PRCC: variants seen among roughly 807,000 people sequenced by gnomAD.
The protein encoded by PRCC is proline rich mitotic checkpoint control factor, also known as proline-rich protein PRCC.
In PRCC, 10 loss-of-function variants were observed where a neutral mutation model predicts 44.0. That is an observed-to-expected ratio of 0.23 (90% CI 0.14 to 0.39). The LOEUF (loss-of-function observed/expected upper bound fraction) is 0.39, where lower values mean the gene tolerates loss of function less well. Among genes scored for constraint, PRCC ranks in the 10% least tolerant of loss-of-function variants. PRCC has a pLI of 1.00. For missense variants in PRCC, 573 were observed against 624.7 expected, an observed-to-expected ratio of 0.92 and a Z score of 0.88; for synonymous variants, 278 against 259.5, an observed-to-expected ratio of 1.07 and a Z score of -0.69.
rs562438203 is a variant in PRCC at position 156,787,894 on chromosome 1, C to T, written c.1083+720C>T. ...TTGCCCAGGCTGGAGTGCAGTGGCA[C>T]GATCTTGACTCACTGCAACCTCCGC... On this transcript the variant is annotated intron_variant, in intron 3 of 6. Coordinates refer to ENST00000271526, the MANE Select transcript of PRCC (RefSeq NM_005973.5). Among the ~76,000 whole-genome samples the T allele has an allele frequency of 1.1e-4, 17 of 151,972 alleles. No individual in the cohort carries two copies. In the South Asian group the frequency reaches 2.9e-3, roughly 26 times the overall value.
chr1:156,778,992 C>G (rs1297918493), intron 1 of PRCC, among the ~76,000 whole-genome samples: 1 of 148,798 alleles, frequency 6.7e-6, no homozygotes, highest in African/African-American at 2.5e-5. Flanking sequence ...TAGAGACGGG[C>G]TTTCATCATA....
intron 1 of PRCC, among the ~76,000 whole-genome samples, chr1:156,780,662 G>A (rs184791584): frequency 1.3e-4 from 20 of 152,058 alleles, no homozygotes; most frequent in South Asian, 8.3e-4. Flanking sequence ...ATGGTTTTCC[G>A]TAATGGTAGT....
intron 1 of PRCC, among the ~76,000 whole-genome samples, chr1:156,782,064 A>G (rs1652066825): frequency 6.6e-6 from 1 of 152,224 alleles, no homozygotes; most frequent in Non-Finnish European, 1.5e-5. Context: ...TTGAGTAATC[A>G]AGGGAGGCCA....
chr1:156,786,774 C>T lies in PRCC; in HGVS notation c.683C>T (p.Ser228Phe). Residue 228 changes from serine (S) to phenylalanine (F), a missense_variant, in exon 3 of 7, where the codon TCT (serine) becomes TTT (phenylalanine). By Grantham distance (155) the Ser-to-Phe change is radical. Transcript: ENST00000271526. ...CTGGCTTCTAAGACCAAGACTTCCT[C>T]TCTTGCCCCTGTTGTGGGCACCACA... ...SRLASKTKTSSLAPVVGTTTT... is the reference protein window; with the variant it reads ...SRLASKTKTSFLAPVVGTTTT... 6.2e-7 allele frequency: 1 copy of T among 1,614,230 alleles called. No homozygotes were observed. The highest frequency in any genetic ancestry group is 8.5e-7 in the Non-Finnish European group (1 of 1,180,026).
At chr1:156,772,130 A>T (rs1388890538) in intron 1 of PRCC, among the ~76,000 whole-genome samples, 1 of 152,182 alleles carries the variant, frequency 6.6e-6, no homozygotes, top group Non-Finnish European at 1.5e-5. Context: ...AAGTGCTGGG[A>T]TTACAGGCGT....
intron 1 of PRCC, among the ~76,000 whole-genome samples, chr1:156,776,466 A>G (rs150281446): frequency 1.1e-5 from 1 of 95,046 alleles, no homozygotes; most frequent in Non-Finnish European, 2.5e-5. Context: ...GTCTTTATAG[A>G]GGTTTTTTTT....
chr1:156,768,532 T>C (rs1433228342), intron 1 of PRCC, among the ~76,000 whole-genome samples: 1 of 152,190 alleles, frequency 6.6e-6, no homozygotes. Context: ...TCTTTGCATC[T>C]TCACTTCAGT....
At chr1:156,797,461 C>A in intron 6 of PRCC, 120 bp downstream of exon 6, 1 of 1,152,154 alleles carries the variant, frequency 8.7e-7, no homozygotes, top group Non-Finnish European at 1.3e-6. Context: ...TTTTAGCAGG[C>A]ATCCTCTCCT....
At chr1:156,798,652 C>G (rs1430246557) in intron 6 of PRCC, among the ~76,000 whole-genome samples, 1 of 151,866 alleles carries the variant, frequency 6.6e-6, no homozygotes, top group South Asian at 2.1e-4. Context: ...GTCAGGAATT[C>G]GAGACCAGCC....
chr1:156,800,544 C>G lies in PRCC; in HGVS notation c.*84C>G. The G allele has an allele frequency of 7.2e-7, 1 of 1,388,104 alleles. No individual in the cohort carries two copies. Among genetic ancestry groups the G allele is most frequent in the Non-Finnish European group, 1.0e-6 (1 of 978,248 alleles). The allele number at this position is 1,388,104 out of a possible 1,614,324, so 86.0% of individuals were successfully genotyped here. ...CTTCACCTCTGGGACCCCAGCTGCT[C>G]TAAGCCCAGGATCTCTTTCCCCAAG... On this transcript the variant is annotated 3_prime_UTR_variant, in exon 7 of 7. Transcript: ENST00000271526.
chr1:156,768,333 A>G (rs1651496913), intron 1 of PRCC, 94 bp downstream of exon 1: 3 of 1,297,938 alleles, frequency 2.3e-6, no homozygotes, highest in African/African-American at 2.9e-5. Context: ...CTTCCTACAA[A>G]CGCATCCGTG....
At chr1:156,780,160 C>T (rs964750225) in intron 1 of PRCC, among the ~76,000 whole-genome samples, 6 of 152,080 alleles carry the variant, frequency 3.9e-5, no homozygotes, top group African/African-American at 7.2e-5. Context: ...AGATTTCAAG[C>T]GATTCTCCTG....
chr1:156,782,735 A>G (rs537218294), intron 2 of PRCC, among the ~76,000 whole-genome samples: 1 of 152,316 alleles, frequency 6.6e-6, no homozygotes, highest in Non-Finnish European at 1.5e-5. Context: ...ACTGTGTACC[A>G]GGCACTGTTC....
At chr1:156,783,660 C>T (rs532638759) in intron 2 of PRCC, among the ~76,000 whole-genome samples, 12 of 152,030 alleles carry the variant, frequency 7.9e-5, no homozygotes, top group South Asian at 4.2e-4. Context: ...GCAGGAGAAT[C>T]GCTTGAACCC....
intron 1 of PRCC, among the ~76,000 whole-genome samples, chr1:156,774,324 G>A (rs1282580506): frequency 4.6e-5 from 7 of 150,632 alleles, no homozygotes; most frequent in African/African-American, 1.5e-4. Context: ...TAAGGCGCCC[G>A]CCACTACACC....
At chr1:156,799,059 C>T (rs1558056390) in intron 6 of PRCC, among the ~76,000 whole-genome samples, 1 of 152,116 alleles carries the variant, frequency 6.6e-6, no homozygotes, top group Non-Finnish European at 1.5e-5. Context: ...GTGTGTACTA[C>T]AGTGAATTTT....
chr1:156,775,881 A>C (rs1180366206), intron 1 of PRCC, among the ~76,000 whole-genome samples: 1 of 152,206 alleles, frequency 6.6e-6, no homozygotes, highest in Non-Finnish European at 1.5e-5. Context: ...TCCTGGGCTC[A>C]AGCAGTCCTC....
chr1:156,767,646 TA>T lies in PRCC; in HGVS notation c.-125del. On this transcript the variant is annotated 5_prime_UTR_variant, in exon 1 of 7. Transcript: ENST00000271526. Reference sequence around the variant, plus strand: ...GTTTCTGCCGGGGCTAGCCCTAGAGTACGGAGCAGGCGGACTTTTCGGTTCC... The same window carrying T: ...GTTTCTGCCGGGGCTAGCCCTAGAGTCGGAGCAGGCGGACTTTTCGGTTCC... 1.1e-6 allele frequency: 1 copy of T among 921,736 alleles called. No homozygotes were observed. Among genetic ancestry groups the T allele is most frequent in the South Asian group, 1.8e-5 (1 of 56,820 alleles). 57.1% of individuals were successfully genotyped at this position (921,736 alleles called of 1,614,324 possible). A position where few individuals can be genotyped will look rare whatever the true frequency, so the allele number is the denominator to read the frequency against.
chr1:156,775,035 T>G (rs551789689), intron 1 of PRCC, among the ~76,000 whole-genome samples: 1 of 149,432 alleles, frequency 6.7e-6, no homozygotes, highest in African/African-American at 2.5e-5. Context: ...GATCACGAGG[T>G]CAGGAGATCG....
Sources: allele counts gnomAD v4.1 joint callset (sites outside exome capture counted in the v4.1 genomes callset), GRCh38; gene constraint gnomAD v4.1.1; transcripts MANE v1.5; gene names NCBI Gene and HGNC (gene_info 2026-07-23, HGNC 2026-07-21).